UGGT2: variants seen among roughly 807,000 people sequenced by gnomAD.
UGGT2 encodes UDP-glucose glycoprotein glucosyltransferase 2, also known as UDP-glucose:glycoprotein glucosyltransferase 2.
UGGT2 carries 180 observed loss-of-function variants against 192.1 expected under a neutral mutation model. That is an observed-to-expected ratio of 0.94 (90% CI 0.83 to 1.06). UGGT2 has a LOEUF of 1.06. Among genes scored for constraint, UGGT2 ranks in the 50% least tolerant of loss-of-function variants. UGGT2 has a pLI of 0.00. For missense variants in UGGT2, 1,849 were observed against 1,795.7 expected (o/e 1.03, Z -0.54); for synonymous variants, 580 against 591.0 (o/e 0.98, Z 0.27).
chr13:95,975,867 T>C (rs9670470), intron 10 of UGGT2, among the ~76,000 whole-genome samples: 1 of 151,922 alleles, frequency 6.6e-6, no homozygotes, highest in South Asian at 2.1e-4. Context: ...TTTATGGAGA[T>C]CTTGTGATAT....
At chr13:95,976,685 C>T (rs1239073645) in intron 10 of UGGT2, among the ~76,000 whole-genome samples, 2 of 152,144 alleles carry the variant, frequency 1.3e-5, no homozygotes, top group Admixed American at 6.6e-5. Flanking sequence ...ACTTTCTTCA[C>T]AGAATTAGAA....
intron 12 of UGGT2, among the ~76,000 whole-genome samples, chr13:95,967,524 A>C (rs2050626035): frequency 7.2e-6 from 1 of 138,592 alleles, no homozygotes; most frequent in African/African-American, 2.8e-5. Flanking sequence ...CCCAGGCTGG[A>C]GTGCAGTAGG....
chr13:95,998,722 C>T (rs916835051), intron 6 of UGGT2, among the ~76,000 whole-genome samples: 3 of 151,726 alleles, frequency 2.0e-5, no homozygotes, highest in Admixed American at 6.6e-5. Context: ...TAGTAGATCA[C>T]AAATCTAATG....
At chr13:95,839,791 A>G (rs1298229196) in intron 36 of UGGT2, among the ~76,000 whole-genome samples, 1 of 151,566 alleles carries the variant, frequency 6.6e-6, no homozygotes, top group East Asian at 1.9e-4. Context: ...ATCCTTGTCC[A>G]CTCTTGTTAT....
At chr13:95,848,134 C>T (rs545345519) in intron 36 of UGGT2, among the ~76,000 whole-genome samples, 3 of 152,158 alleles carry the variant, frequency 2.0e-5, no homozygotes, top group Non-Finnish European at 4.4e-5. Flanking sequence ...GGTCTTTGAT[C>T]CATTTCTAAA....
intron 1 of UGGT2, among the ~76,000 whole-genome samples, chr13:96,048,958 GGGA>G (rs200282196): frequency 0.056 from 8,541 of 152,208 alleles, 371 homozygotes; most frequent in Non-Finnish European, 0.081. Flanking sequence ...TACAAAAAAA[GGGA>G]ATCCTCCCTA....
chr13:96,003,999 C>T (rs542029067), intron 5 of UGGT2, among the ~76,000 whole-genome samples: 1 of 152,178 alleles, frequency 6.6e-6, no homozygotes, highest in African/African-American at 2.4e-5. Context: ...TACCTAGTTT[C>T]CTCATAAATA....
In UGGT2 at chr13:95,949,661, C is replaced by G. The variant is rs989168537; in HGVS notation, c.1336-207G>C. On this transcript the variant is annotated intron_variant, in intron 12 of 38. Transcript: ENST00000376747. ...ACTTGTGTAGCCTTTTACATTAAGC[C>G]TTCTCTCAAAAACAATTCCTTTCAC... Among the ~76,000 whole-genome samples the G allele has an allele frequency of 4.6e-5, 7 of 152,154 alleles. No homozygotes were observed. The South Asian group carries it at 1.5e-3, about 32-fold the overall frequency.
intron 1 of UGGT2, among the ~76,000 whole-genome samples, chr13:96,043,931 GCAC>G (rs2053235017): frequency 6.6e-6 from 1 of 152,066 alleles, no homozygotes; most frequent in Non-Finnish European, 1.5e-5. Context: ...CTTCAATACT[GCAC>G]TGATAGCACT....
intron 12 of UGGT2, among the ~76,000 whole-genome samples, chr13:95,969,193 T>C (rs760339889): frequency 4.6e-5 from 7 of 152,186 alleles, no homozygotes; most frequent in Non-Finnish European, 7.3e-5. Flanking sequence ...TAAGTGAGCT[T>C]CCCTGGTAGG....
intron 20 of UGGT2, among the ~76,000 whole-genome samples, chr13:95,907,930 T>G (rs945484145): frequency 6.6e-6 from 1 of 152,186 alleles, no homozygotes; most frequent in African/African-American, 2.4e-5. Flanking sequence ...CTTCAGAAGG[T>G]TGGTAATAAC....
intron 2 of UGGT2, among the ~76,000 whole-genome samples, chr13:96,031,194 A>G (rs1048656495): frequency 6.6e-6 from 1 of 152,226 alleles, no homozygotes. Context: ...CAATTTTGCT[A>G]TGAACTTAGA....
intron 4 of UGGT2, among the ~76,000 whole-genome samples, chr13:96,021,598 A>G (rs1334208029): frequency 1.3e-5 from 2 of 152,220 alleles, no homozygotes; most frequent in African/African-American, 4.8e-5. Flanking sequence ...GAAACATGAA[A>G]ACAAAATGAA....
At position 95,921,314 on chromosome 13, in the gene UGGT2, C is replaced by T. The variant is rs1378919555; in HGVS notation, c.2295+4366G>A. On this transcript the variant is annotated intron_variant, in intron 20 of 38. Transcript: ENST00000376747. ...CCATAGCATACGTTTATCTGTGTAA[C>T]AAACCTGCATATCCTACACATAACT... 2.2e-5 allele frequency among the ~76,000 whole-genome samples: 3 copies of T among 134,528 alleles called. No homozygotes were observed. The East Asian group carries it at 6.8e-4, about 30-fold the overall frequency. 88.3% of individuals were successfully genotyped at this position (134,528 alleles called of 152,430 possible). A position where few individuals can be genotyped will look rare whatever the true frequency, so the allele number is the denominator to read the frequency against.
chr13:95,947,525 C>T lies in UGGT2; in HGVS notation c.1542-353G>A, dbSNP rs374273427. 3.3e-5 allele frequency among the ~76,000 whole-genome samples: 5 copies of T among 151,500 alleles called. No homozygotes were observed. The South Asian group carries it at 6.3e-4, about 19-fold the overall frequency. On this transcript the variant is annotated intron_variant, in intron 14 of 38. Coordinates refer to ENST00000376747, the MANE Select transcript of UGGT2 (RefSeq NM_020121.4). ...GGAGTGCAGTGGCACAATCCAGGCT[C>T]ACTGAAACCTCCGCCTCCCAGGTTC...
intron 31 of UGGT2, among the ~76,000 whole-genome samples, chr13:95,861,464 T>C (rs1404534670): frequency 6.6e-6 from 1 of 152,108 alleles, no homozygotes; most frequent in Non-Finnish European, 1.5e-5. Context: ...GAACCATGTC[T>C]ACTTACTGGT....
At chr13:95,983,385 T>C (rs1445807886) in intron 10 of UGGT2, 1 of 283,550 alleles carries the variant, frequency 3.5e-6, no homozygotes, top group Non-Finnish European at 6.9e-6. Context: ...ATGGATAATT[T>C]AAGATACCAT....
intron 12 of UGGT2, among the ~76,000 whole-genome samples, chr13:95,964,516 A>C (rs1220042779): frequency 6.6e-6 from 1 of 152,188 alleles, no homozygotes. Flanking sequence ...CAGAGTGAAG[A>C]GCAAGCCTGT....
In UGGT2 at chr13:95,877,261, GCAGCCTGCATAACT is replaced by G. The variant is rs756413487; in HGVS notation, c.3473+4_3473+17del. 1.4e-5 allele frequency: 22 copies of G among 1,541,738 alleles called. No individual in the cohort carries two copies. The highest frequency in any genetic ancestry group is 3.5e-4 in the Middle Eastern group (2 of 5,784). ...CGTATTTATGTGTAAAAATTTAAAAGCAGCCTGCATAACTCACCCAACTATTTGATAAATATCTT... is the reference window on the plus strand; with the variant it reads ...CGTATTTATGTGTAAAAATTTAAAAGCACCCAACTATTTGATAAATATCTT... On this transcript the variant is annotated splice_donor_5th_base_variant and intron_variant, in intron 29 of 38. Coordinates refer to ENST00000376747, the MANE Select transcript of UGGT2 (RefSeq NM_020121.4).
Sources: allele counts gnomAD v4.1 joint callset (sites outside exome capture counted in the v4.1 genomes callset), GRCh38; gene constraint gnomAD v4.1.1; transcripts MANE v1.5; gene names NCBI Gene and HGNC (gene_info 2026-07-23, HGNC 2026-07-21).